Variants in STK32C observed in about 807,000 individuals in gnomAD.
STK32C encodes serine/threonine kinase 32C.
Under a neutral mutation model 56.5 loss-of-function variants are expected in STK32C, and 31 were observed. The ratio of observed to expected loss-of-function variants is 0.55; its 90% CI spans 0.41 to 0.74. STK32C has a LOEUF of 0.74. Among genes scored for constraint, STK32C ranks in the 30% least tolerant of loss-of-function variants. The probability of loss-of-function intolerance (pLI) is 0.00; values close to 1 mark genes in which losing one functional copy is unlikely to be tolerated. For synonymous variants in STK32C, 309 were observed against 289.4 expected, an observed-to-expected ratio of 1.07 and a Z score of -0.69; for missense variants, 544 against 676.9, an observed-to-expected ratio of 0.80 and a Z score of 2.18.
chr10:132,230,690 G>A (rs1285216606), intron 2 of STK32C, among the ~76,000 whole-genome samples: 1 of 144,114 alleles, frequency 6.9e-6, no homozygotes, highest in Non-Finnish European at 1.5e-5. Flanking sequence ...GGGGGGGGGG[G>A]GGCTGCAGAG....
intron 1 of STK32C, among the ~76,000 whole-genome samples, chr10:132,283,643 G>A (rs2065284457): frequency 2.6e-5 from 4 of 152,216 alleles, no homozygotes; most frequent in Admixed American, 2.6e-4. Context: ...GAACACCTGA[G>A]GGTCCAGCAT....
intron 3 of STK32C, among the ~76,000 whole-genome samples, chr10:132,227,213 C>A (rs573998523): frequency 6.6e-6 from 1 of 152,268 alleles, no homozygotes; most frequent in Admixed American, 6.5e-5. Flanking sequence ...GCCAGAGGCA[C>A]CTGGGAGTGG....
intron 1 of STK32C, among the ~76,000 whole-genome samples, chr10:132,259,676 T>C (rs1327190034): frequency 2.0e-5 from 3 of 152,224 alleles, no homozygotes; most frequent in East Asian, 1.9e-4. Flanking sequence ...CCAGGCTTCC[T>C]GTACAGCCTG....
In STK32C at chr10:132,282,526, TGCCCACCTGTACCTGC is replaced by T. The variant is rs147926369; in HGVS notation, c.262+25030_262+25045del. 6.0e-3 allele frequency among the ~76,000 whole-genome samples: 802 copies of T among 134,758 alleles called. 2 individuals carry two copies. The highest frequency in any genetic ancestry group is 0.022 in the African/African-American group (714 of 32,928). 88.4% of individuals were successfully genotyped at this position (134,758 alleles called of 152,430 possible). A position where few individuals can be genotyped will look rare whatever the true frequency, so the allele number is the denominator to read the frequency against. On this transcript the variant is annotated intron_variant, in intron 1 of 11. Transcript: ENST00000298630. The stretch of plus-strand genomic sequence containing the variant: ...CTGTGCCTGCGCCCACCTGTGCCTG[TGCCCACCTGTACCTGC>T]GCCTGTCCTTCTGCAGTTCACTTAT...
chr10:132,278,630 A>G (rs563738451), intron 1 of STK32C, among the ~76,000 whole-genome samples: 123 of 151,976 alleles, frequency 8.1e-4, no homozygotes, highest in African/African-American at 2.2e-3. Flanking sequence ...GCGTGGTGGC[A>G]GGCGCCTGTA....
rs546751315 is a variant in STK32C, at chr10:132,244,527, G to A, written c.318+1373C>T. Among the ~76,000 whole-genome samples, 58 of 152,294 alleles carry A rather than the reference G, an allele frequency of 3.8e-4. No homozygotes were observed. In the East Asian group the frequency reaches 4.6e-3, roughly 12 times the overall value. On this transcript the variant is annotated intron_variant, in intron 2 of 11. Coordinates refer to ENST00000298630, the MANE Select transcript of STK32C (RefSeq NM_173575.4). The stretch of plus-strand genomic sequence containing the variant: ...GCCCCAGGAAACAGCACCTGCACCC[G>A]CCAGCCTCGCTCCCCAGGGCAGGTC...
chr10:132,209,273 C>G, intron 10 of STK32C, 172 bp from the exon 11 acceptor site: 1 of 710,194 alleles, frequency 1.4e-6, no homozygotes, highest in Admixed American at 2.0e-5. Flanking sequence ...CCCGGGAGCT[C>G]GCATCTCTGC....
intron 1 of STK32C, among the ~76,000 whole-genome samples, chr10:132,300,251 AT>A (rs781505910): frequency 5.3e-5 from 8 of 152,198 alleles, no homozygotes; most frequent in Non-Finnish European, 8.8e-5. Context: ...TTTTTAATAA[AT>A]TGGGGGCGAC....
chr10:132,285,080 C>T (rs896959895), intron 1 of STK32C, among the ~76,000 whole-genome samples: 10 of 143,806 alleles, frequency 7.0e-5, no homozygotes, highest in African/African-American at 2.4e-4. Flanking sequence ...GCCCAAAGAC[C>T]AGGCATGAAC....
At chr10:132,244,982 T>C (rs1400827535) in intron 2 of STK32C, among the ~76,000 whole-genome samples, 3 of 152,202 alleles carry the variant, frequency 2.0e-5, no homozygotes, top group African/African-American at 7.2e-5. Flanking sequence ...GCACGGGAGC[T>C]TTCTCAATGC....
At chr10:132,304,791 C>G (rs2066007969) in intron 1 of STK32C, among the ~76,000 whole-genome samples, 1 of 152,226 alleles carries the variant, frequency 6.6e-6, no homozygotes, top group Non-Finnish European at 1.5e-5. Context: ...CACTGCCTGC[C>G]CGGCCCGGCG....
chr10:132,244,694 C>A (rs984030779), intron 2 of STK32C, among the ~76,000 whole-genome samples: 1 of 152,210 alleles, frequency 6.6e-6, no homozygotes, highest in African/African-American at 2.4e-5. Context: ...TGAACCTGGT[C>A]ACAGCTGCCG....
intron 10 of STK32C, among the ~76,000 whole-genome samples, chr10:132,221,865 C>T (rs1378911862): frequency 4.3e-5 from 5 of 116,840 alleles, no homozygotes; most frequent in Non-Finnish European, 6.1e-5. Context: ...TTCACGTGGC[C>T]ATCCCTGCAC....
intron 1 of STK32C, among the ~76,000 whole-genome samples, chr10:132,265,636 T>C (rs927563711): frequency 2.6e-5 from 4 of 152,112 alleles, no homozygotes; most frequent in African/African-American, 9.7e-5. Context: ...TGGGTCAGGA[T>C]TCAGCCGCAG....
At chr10:132,280,334 T>A (rs1590374361) in intron 1 of STK32C, among the ~76,000 whole-genome samples, 1 of 99,164 alleles carries the variant, frequency 1.0e-5, no homozygotes, top group Non-Finnish European at 2.0e-5. Context: ...TCCCTGACTA[T>A]GCTGAGGCCT....
chr10:132,209,049 A>G lies in STK32C; in HGVS notation c.1304T>C (p.Ile435Thr). 1.2e-6 allele frequency: 2 copies of G among 1,613,898 alleles called. No individual in the cohort carries two copies. Among genetic ancestry groups the G allele is most frequent in the Non-Finnish European group, 1.7e-6 (2 of 1,179,992 alleles). ...CLDAIQQDFV[I>T]FNREKLKRSQ... ...ACACACTCACTTTTCTCTGTTAAAAATCACGAAGTCTTGCTGGATGGCATC... is the reference window on the plus strand; with the variant it reads ...ACACACTCACTTTTCTCTGTTAAAAGTCACGAAGTCTTGCTGGATGGCATC... The change falls in exon 11 of 12, where the codon ATT becomes ACT. Residue 435 changes from isoleucine to threonine, a missense_variant. Ile to Thr is a moderately conservative substitution (Grantham distance 89). Around this residue, in one of 3 missense-constraint regions of STK32C, gnomAD observed 277 missense variants for 309.3 expected, o/e 0.90. Coordinates refer to ENST00000298630, the MANE Select transcript of STK32C (RefSeq NM_173575.4).
At chr10:132,248,493 G>T (rs2063768287) in intron 1 of STK32C, among the ~76,000 whole-genome samples, 1 of 152,244 alleles carries the variant, frequency 6.6e-6, no homozygotes, top group Admixed American at 6.5e-5. Context: ...TGTCCACCTA[G>T]GCTCCACCCA....
intron 1 of STK32C, among the ~76,000 whole-genome samples, chr10:132,286,633 T>G (rs1053624860): frequency 1.3e-5 from 2 of 152,006 alleles, no homozygotes; most frequent in African/African-American, 4.8e-5. Flanking sequence ...ACAAACAAAA[T>G]AAAGGAGGAA....
chr10:132,234,441 C>A (rs1037854693), intron 2 of STK32C, among the ~76,000 whole-genome samples: 1 of 152,230 alleles, frequency 6.6e-6, no homozygotes, highest in South Asian at 2.1e-4. Context: ...TTCGCTTTTT[C>A]TGCCTTGCCC....
Sources: allele counts gnomAD v4.1 joint callset (sites outside exome capture counted in the v4.1 genomes callset), GRCh38; gene constraint gnomAD v4.1.1; regional missense constraint gnomAD v4.1.1; transcripts MANE v1.5; gene names NCBI Gene and HGNC (gene_info 2026-07-23, HGNC 2026-07-21).